Variants in CRMP1 observed in about 807,000 individuals in gnomAD.
CRMP1 encodes dihydropyrimidinase-related protein 1.
A neutral mutation model predicts 68.3 loss-of-function variants in CRMP1; 19 were observed. The observed-to-expected ratio is 0.28, with a 90% CI of 0.19 to 0.41. CRMP1 has a LOEUF of 0.41. Ranked by LOEUF, CRMP1 falls within the 10% of genes least tolerant of loss-of-function variation. The pLI, the probability that CRMP1 is intolerant of heterozygous loss-of-function variation, is 1.00. For missense variants in CRMP1, 791 were observed against 967.4 expected, an observed-to-expected ratio of 0.82 and a Z score of 2.42; for synonymous variants, 439 against 399.6, an observed-to-expected ratio of 1.10 and a Z score of -1.18.
intron 9 of CRMP1, among the ~76,000 whole-genome samples, chr4:5,837,411 T>C (rs949926841): frequency 4.7e-5 from 7 of 147,890 alleles, no homozygotes; most frequent in Non-Finnish European, 8.9e-5. Context: ...TCACCTGAAG[T>C]CAGGAGATCG....
chr4:5,825,770 GTGCA>G lies in CRMP1; in HGVS notation c.1804-115_1804-112del. On this transcript the variant is annotated intron_variant, in intron 12 of 13. Coordinates refer to ENST00000324989, the MANE Select transcript of CRMP1 (RefSeq NM_001014809.3). The surrounding 1 kb of genome is among the most constrained non-coding windows in gnomAD (Gnocchi z 4.4). ...AGAGAAACCTGAGGTCACTTCAAATGTGCATGCACACACACACACAACACGCACA... is the reference window on the plus strand; with the variant it reads ...AGAGAAACCTGAGGTCACTTCAAATGTGCACACACACACACAACACGCACA... The G allele has an allele frequency of 9.6e-7, 1 of 1,043,200 alleles. No individual in the cohort carries two copies. The highest frequency in any genetic ancestry group is 1.5e-5 in the South Asian group (1 of 66,766). The allele number at this position is 1,043,200 out of a possible 1,614,324, so 64.6% of individuals were successfully genotyped here. A position where few individuals can be genotyped will look rare whatever the true frequency, so the allele number is the denominator to read the frequency against.
rs1464332770 is a variant in CRMP1, at chr4:5,889,242, TC to T, written c.381+3346del. 2.0e-5 allele frequency among the ~76,000 whole-genome samples: 3 copies of T among 152,074 alleles called. No homozygotes were observed. The highest frequency in any genetic ancestry group is 7.2e-5 in the African/African-American group (3 of 41,410). ...ACGGCCTTAATTAATGCTGACCTGTTCTACTCCAACAGCAGCTCCCTCATCA... is the reference window on the plus strand; with the variant it reads ...ACGGCCTTAATTAATGCTGACCTGTTTACTCCAACAGCAGCTCCCTCATCA... On this transcript the variant is annotated intron_variant, in intron 1 of 13. Transcript: ENST00000324989. The surrounding 1 kb of genome is among the most constrained non-coding windows in gnomAD (Gnocchi z 4.5).
intron 5 of CRMP1, among the ~76,000 whole-genome samples, 188 bp downstream of exon 5, chr4:5,851,220 A>G (rs141273454): frequency 7.2e-5 from 11 of 152,328 alleles, no homozygotes; most frequent in African/African-American, 2.4e-4. Context: ...CCACTCACAC[A>G]GTCAGAAAAG....
intron 8 of CRMP1, among the ~76,000 whole-genome samples, chr4:5,840,311 T>A (rs1711624607): frequency 1.3e-5 from 2 of 152,298 alleles, no homozygotes; most frequent in South Asian, 4.1e-4. Flanking sequence ...TTCCTGCTTG[T>A]CTTTCAAGGA....
At position 5,838,547 on chromosome 4, in the gene CRMP1, G is replaced by C. The variant is rs1392790095; in HGVS notation, c.1310+975C>G. 6.6e-6 allele frequency among the ~76,000 whole-genome samples: 1 copy of C among 152,178 alleles called. No homozygotes were observed. The highest frequency in any genetic ancestry group is 1.5e-5 in the Non-Finnish European group (1 of 68,024). On this transcript the variant is annotated intron_variant, in intron 9 of 13. Transcript: ENST00000324989. The surrounding 1 kb of genome is among the most constrained non-coding windows in gnomAD (Gnocchi z 4.9). ...ACAGCAGACAGGTGAGGCGTTGTCA[G>C]ACTCTAGGGCCTCTGGTCCGTGTTC...
At position 5,883,655 on chromosome 4, in the gene CRMP1, G is replaced by GGGACACACACAC. The variant is rs1715374069; in HGVS notation, c.381+8933_381+8934insGTGTGTGTGTCC. Among the ~76,000 whole-genome samples, 2 of 149,578 alleles carry GGGACACACACAC rather than the reference G, an allele frequency of 1.3e-5. No homozygotes were observed. The highest frequency in any genetic ancestry group is 6.7e-5 in the Admixed American group (1 of 15,016). On this transcript the variant is annotated intron_variant, in intron 1 of 13. Transcript: ENST00000324989. This position sits in a 1 kb window ranked among gnomAD's most constrained non-coding sequence, Gnocchi z 4.5. ...AGATGGCAAGATAATTAAGGTCAGG[G>GGGACACACACAC]ACACACACACACACACACACACACA...
Position 5,843,164 on chromosome 4 carries a change from A to C in CRMP1, c.964-3T>G, listed in dbSNP as rs750628800. 7 of 1,613,994 alleles carry C rather than the reference A, an allele frequency of 4.3e-6. No individual in the cohort carries two copies. Among genetic ancestry groups the C allele is most frequent in the Non-Finnish European group, 5.9e-6 (7 of 1,179,996 alleles). On this transcript the variant is annotated splice_polypyrimidine_tract_variant and splice_region_variant and intron_variant, in intron 6 of 13. Coordinates refer to ENST00000324989, the MANE Select transcript of CRMP1 (RefSeq NM_001014809.3). The surrounding 1 kb of genome is among the most constrained non-coding windows in gnomAD (Gnocchi z 4.1). ...ATCTCCAGGATCCGCTTTTGTTCCT[A>C]CAAGACAAGAACAAGTGAGTTAACG...
chr4:5,824,915 G>A (rs1719301878), intron 13 of CRMP1: 1 of 985,422 alleles, frequency 1.0e-6, no homozygotes, highest in African/African-American at 1.7e-5. Flanking sequence ...GAGGGATCAG[G>A]TCAACATCTA....
rs962728740 is a variant in CRMP1 at position 5,833,445 on chromosome 4, C to T, written c.1623+2470G>A. On this transcript the variant is annotated intron_variant, in intron 11 of 13. Transcript: ENST00000324989. ...CCTCCCAAAGTGCTGGGATTACAGG[C>T]GTGAGCCACCGCGCCCGGCCCCAGA... Among the ~76,000 whole-genome samples, 4 of 151,330 alleles carry T rather than the reference C, an allele frequency of 2.6e-5. 1 individual carries two copies. The highest frequency in any genetic ancestry group is 2.0e-4 in the East Asian group (1 of 5,056).
At chr4:5,835,489 G>A (rs1017868572) in intron 11 of CRMP1, among the ~76,000 whole-genome samples, 11 of 152,218 alleles carry the variant, frequency 7.2e-5, no homozygotes, top group Non-Finnish European at 4.4e-5. Flanking sequence ...ACCCTTTCCT[G>A]TCTATTAGCA....
At chr4:5,851,580 T>C in intron 4 of CRMP1, 111 bp from the exon 5 acceptor site, 1 of 1,082,444 alleles carries the variant, frequency 9.2e-7, no homozygotes, top group Admixed American at 1.8e-5. Flanking sequence ...GAGAGATGAG[T>C]GCCATTGGGA....
At chr4:5,878,504 G>C (rs1715000747) in intron 1 of CRMP1, among the ~76,000 whole-genome samples, 1 of 152,178 alleles carries the variant, frequency 6.6e-6, no homozygotes, top group African/African-American at 2.4e-5. Context: ...TACATGCAGA[G>C]ACCTGTCATC....
chr4:5,836,141 G>T, intron 10 of CRMP1, 56 bp from the exon 11 acceptor site: 1 of 1,362,460 alleles, frequency 7.3e-7, no homozygotes, highest in Non-Finnish European at 9.6e-7. Context: ...CAGGAGGAGG[G>T]GCAGCTGGGC....
rs1169094918 is a variant in CRMP1 at position 5,834,298 on chromosome 4, A to G, written c.1623+1617T>C. Among the ~76,000 whole-genome samples, 1 of 152,232 alleles carries G rather than the reference A, an allele frequency of 6.6e-6. No homozygotes were observed. The highest frequency in any genetic ancestry group is 1.5e-5 in the Non-Finnish European group (1 of 68,042). ...TGCAATGGTATTAAGATGTGAGACCATTAAGAGCTGATTAGGTCATGAAGG... is the reference window on the plus strand; with the variant it reads ...TGCAATGGTATTAAGATGTGAGACCGTTAAGAGCTGATTAGGTCATGAAGG... On this transcript the variant is annotated intron_variant, in intron 11 of 13. Coordinates refer to ENST00000324989, the MANE Select transcript of CRMP1 (RefSeq NM_001014809.3). This position sits in a 1 kb window ranked among gnomAD's most constrained non-coding sequence, Gnocchi z 4.3.
chr4:5,862,016 T>A (rs1046033304), intron 2 of CRMP1, among the ~76,000 whole-genome samples: 36 of 152,312 alleles, frequency 2.4e-4, no homozygotes, highest in Non-Finnish European at 4.9e-4. Context: ...GCCTCTGCCC[T>A]CCTGGGCTCC....
rs2152478431 is a variant in CRMP1 at position 5,892,623 on chromosome 4, G to C, written c.347C>G (p.Pro116Arg). 1 of 1,190,724 alleles carries C rather than the reference G, an allele frequency of 8.4e-7. No homozygotes were observed. The highest frequency in any genetic ancestry group is 4.0e-5 in the South Asian group (1 of 24,948). The allele number at this position is 1,190,724 out of a possible 1,614,324, so 73.8% of individuals were successfully genotyped here. A position where few individuals can be genotyped will look rare whatever the true frequency, so the allele number is the denominator to read the frequency against. ...GTCCCGGCCGAGGGGCAGGTCGCGG[G>C]GCGCGGGGCGGCGGATGCGCAGCGT... is the stretch of plus-strand genomic sequence containing the variant. ...PPTLRIRRPA[P>R]RDLPLGRDNG... is the part of the protein sequence containing the mutation. Residue 116 changes from proline to arginine, a missense_variant, in exon 1 of 14, where the codon CCC becomes CGC. Coordinates refer to ENST00000324989, the MANE Select transcript of CRMP1 (RefSeq NM_001014809.3). This position sits in a 1 kb window ranked among gnomAD's most constrained non-coding sequence, Gnocchi z 8.6.
chr4:5,862,932 A>T (rs1216723961), intron 2 of CRMP1, among the ~76,000 whole-genome samples: 2 of 152,178 alleles, frequency 1.3e-5, no homozygotes, highest in African/African-American at 4.8e-5. Context: ...CAGCCTCTCA[A>T]GTAGCTGGAA....
At chr4:5,880,146 G>T (rs1352374555) in intron 1 of CRMP1, among the ~76,000 whole-genome samples, 1 of 152,206 alleles carries the variant, frequency 6.6e-6, no homozygotes, top group East Asian at 1.9e-4. Context: ...AGGTTGCCAT[G>T]TAAAGTGGTG....
At chr4:5,832,700 G>C (rs948985808) in intron 11 of CRMP1, among the ~76,000 whole-genome samples, 14 of 152,160 alleles carry the variant, frequency 9.2e-5, no homozygotes, top group Non-Finnish European at 1.9e-4. Flanking sequence ...GCTATGAAAA[G>C]AATTCAAATC....
Sources: allele counts gnomAD v4.1 joint callset (sites outside exome capture counted in the v4.1 genomes callset), GRCh38; gene constraint gnomAD v4.1.1; non-coding constraint Gnocchi (gnomAD v3.1); transcripts MANE v1.5; gene names NCBI Gene and HGNC (gene_info 2026-07-23, HGNC 2026-07-21).